Variants in ST6GALNAC1 observed in about 807,000 individuals in gnomAD.
ST6GALNAC1 encodes the protein alpha-N-acetylgalactosaminide alpha-2,6-sialyltransferase 1.
ST6GALNAC1 carries 45 observed loss-of-function variants against 56.8 expected under a neutral mutation model. The observed-to-expected ratio is 0.79, with a 90% CI of 0.62 to 1.02. The LOEUF is 1.02. Among genes scored for constraint, ST6GALNAC1 ranks in the 50% least tolerant of loss-of-function variants. The pLI, the probability that ST6GALNAC1 is intolerant of heterozygous loss-of-function variation, is 0.00. For missense variants in ST6GALNAC1, 743 were observed against 754.8 expected (o/e 0.98, Z 0.18); for synonymous variants, 295 against 297.8 (o/e 0.99, Z 0.10).
downstream of ST6GALNAC1, among the ~76,000 whole-genome samples, chr17:76,620,749 T>TA (rs398120027): frequency 6.6e-6 from 1 of 151,636 alleles, no homozygotes; most frequent in Non-Finnish European, 1.5e-5. Flanking sequence ...CTATTTTTTT[T>TA]AATTTTTATT....
downstream of ST6GALNAC1, among the ~76,000 whole-genome samples, chr17:76,621,268 C>A (rs147487633): frequency 2.0e-5 from 3 of 147,256 alleles, no homozygotes; most frequent in African/African-American, 5.0e-5. Context: ...CTGCAACCTC[C>A]GCCTTTTGGG....
intron 4 of ST6GALNAC1, 91 bp from the exon 5 acceptor site, chr17:76,626,880 G>C (rs1598290113): frequency 6.5e-7 from 1 of 1,548,590 alleles, no homozygotes; most frequent in East Asian, 2.3e-5. Flanking sequence ...AATGGGGGAG[G>C]CAGCAGTTAT....
At chr17:76,626,577 T>C in intron 5 of ST6GALNAC1, 74 bp downstream of exon 5, 1 of 1,599,504 alleles carries the variant, frequency 6.3e-7, no homozygotes, top group Non-Finnish European at 8.5e-7. Flanking sequence ...TGAAAGCCTC[T>C]CCTCTCCCTT....
At chr17:76,620,406 C>G (rs891152378), downstream of ST6GALNAC1, among the ~76,000 whole-genome samples, 1 of 152,096 alleles carries the variant, frequency 6.6e-6, no homozygotes, top group East Asian at 1.9e-4. Flanking sequence ...CTGTTGATTT[C>G]ATTATTTTTT....
At chr17:76,621,177 TC>T (rs1315362281), downstream of ST6GALNAC1, among the ~76,000 whole-genome samples, 3 of 65,274 alleles carry the variant, frequency 4.6e-5, no homozygotes, top group African/African-American at 4.9e-5. Context: ...TTTCTTTCTT[TC>T]TTTCTTTCTT....
chr17:76,629,403 G>T lies in ST6GALNAC1; in HGVS notation c.440C>A (p.Ala147Asp). 6.2e-7 allele frequency: 1 copy of T among 1,614,204 alleles called. No individual in the cohort carries two copies. The highest frequency in any genetic ancestry group is 8.5e-7 in the Non-Finnish European group (1 of 1,180,030). The change falls in exon 2 of 9, where the codon GCC (alanine) becomes GAC (aspartate). Residue 147 changes from alanine (A) to aspartate (D), a missense_variant. Transcript: ENST00000156626. ...LSPRGQDAGM[A>D]SGRTEAQSWK... The stretch of plus-strand genomic sequence containing the variant: ...TGATTGTGCCTCTGTCCTGCCAGAG[G>T]CCATCCCTGCATCTTGCCCTCTGGG...
intron 1 of ST6GALNAC1, among the ~76,000 whole-genome samples, chr17:76,641,485 C>T (rs1373881819): frequency 6.6e-6 from 1 of 152,010 alleles, no homozygotes; most frequent in African/African-American, 2.4e-5. Context: ...TAGAAAAGTA[C>T]AAATGACTAA....
Position 76,626,406 on chromosome 17 carries a change from A to T in ST6GALNAC1, c.1312-14T>A. 2 of 1,612,916 alleles carry T rather than the reference A, an allele frequency of 1.2e-6. No individual in the cohort carries two copies. The highest frequency in any genetic ancestry group is 1.7e-6 in the Non-Finnish European group (2 of 1,179,224). Reference sequence around the variant, plus strand: ...GTAGCGGACGTCCTGAGGACCAAGGACAGGGAGTGGTCCAAAAGTACTGCC... The same window carrying T: ...GTAGCGGACGTCCTGAGGACCAAGGTCAGGGAGTGGTCCAAAAGTACTGCC... On this transcript the variant is annotated splice_polypyrimidine_tract_variant and intron_variant, in intron 5 of 8. Transcript: ENST00000156626.
chr17:76,626,242 A>G (rs761504744), intron 6 of ST6GALNAC1, 47 bp downstream of exon 6: 2 of 1,591,942 alleles, frequency 1.3e-6, no homozygotes, highest in Non-Finnish European at 1.7e-6. Context: ...GCCACTCATG[A>G]CATGGCTCAG....
In ST6GALNAC1 at chr17:76,627,356, C is replaced by T. The variant is rs778373839; in HGVS notation, c.1000+59G>A. ...GAGGCAGACCAGAAAGCCAGCTGCC[C>T]TCTGCCCTCTGCCCCGGCCTACTGC... On this transcript the variant is annotated intron_variant, in intron 3 of 8. Transcript: ENST00000156626. The surrounding 1 kb of genome is among the most constrained non-coding windows in gnomAD (Gnocchi z 4.4). 58 of 1,445,266 alleles carry T rather than the reference C, an allele frequency of 4.0e-5. No individual in the cohort carries two copies. The highest frequency in any genetic ancestry group is 2.0e-4 in the Middle Eastern group (1 of 5,016). The allele number at this position is 1,445,266 out of a possible 1,614,324, so 89.5% of individuals were successfully genotyped here.
intron 1 of ST6GALNAC1, among the ~76,000 whole-genome samples, chr17:76,631,223 C>T (rs543791277): frequency 2.6e-5 from 4 of 152,224 alleles, no homozygotes; most frequent in Admixed American, 6.5e-5. Flanking sequence ...GTATTAAAGG[C>T]GTGAGCCACC....
chr17:76,622,455 C>T (rs1458967633), downstream of ST6GALNAC1, among the ~76,000 whole-genome samples: 1 of 152,006 alleles, frequency 6.6e-6, no homozygotes, highest in Non-Finnish European at 1.5e-5. Context: ...ACCTCGGCTT[C>T]CCGGGTTCAA....
At chr17:76,632,754 G>C (rs2075922099) in intron 1 of ST6GALNAC1, among the ~76,000 whole-genome samples, 1 of 152,178 alleles carries the variant, frequency 6.6e-6, no homozygotes, top group South Asian at 2.1e-4. Context: ...CTGACCCTGT[G>C]AGCTGGGCTG....
chr17:76,637,253 A>G (rs2075988090), intron 1 of ST6GALNAC1, among the ~76,000 whole-genome samples: 1 of 145,224 alleles, frequency 6.9e-6, no homozygotes. Context: ...AGAAACACCC[A>G]AGAATGATCA....
chr17:76,642,182 A>C (rs1053182253), intron 1 of ST6GALNAC1, among the ~76,000 whole-genome samples: 2 of 148,784 alleles, frequency 1.3e-5, no homozygotes. Context: ...CTGTCCATCT[A>C]TCTGCCTATC....
chr17:76,625,814 C>T lies in ST6GALNAC1; in HGVS notation c.1605+5G>A. ...GGTATTTCTGCAGCTGCAGTGGAGC[C>T]TTACCTGGTCACAGAGCTGAAGGGC... On this transcript the variant is annotated splice_donor_5th_base_variant and intron_variant, in intron 8 of 8. Coordinates refer to ENST00000156626, the MANE Select transcript of ST6GALNAC1 (RefSeq NM_018414.5). 1 of 1,529,936 alleles carries T rather than the reference C, an allele frequency of 6.5e-7. No homozygotes were observed. Among genetic ancestry groups the T allele is most frequent in the Non-Finnish European group, 8.7e-7 (1 of 1,143,266 alleles). 94.8% of individuals were successfully genotyped at this position (1,529,936 alleles called of 1,614,324 possible). A position where few individuals can be genotyped will look rare whatever the true frequency, so the allele number is the denominator to read the frequency against.
downstream of ST6GALNAC1, among the ~76,000 whole-genome samples, chr17:76,621,738 G>C (rs1019198035): frequency 6.6e-6 from 1 of 152,196 alleles, no homozygotes; most frequent in Non-Finnish European, 1.5e-5. Context: ...GCTTCCCAAA[G>C]TGTTGGCATT....
At chr17:76,637,595 C>G (rs1163513551) in intron 1 of ST6GALNAC1, 1 of 398,330 alleles carries the variant, frequency 2.5e-6, no homozygotes, top group African/African-American at 2.1e-5. Flanking sequence ...AAAAAAGTCT[C>G]TCACACATAA....
At chr17:76,623,977 T>G (rs910211729), downstream of ST6GALNAC1, among the ~76,000 whole-genome samples, 1 of 152,196 alleles carries the variant, frequency 6.6e-6, no homozygotes, top group Non-Finnish European at 1.5e-5. Flanking sequence ...TAGAGCTTTG[T>G]GGGGGAAAAG....
Sources: gnomAD v4.1 joint callset for allele counts (sites outside exome capture counted in the v4.1 genomes callset) on GRCh38, gnomAD v4.1.1 for gene constraint, Gnocchi (gnomAD v3.1) non-coding constraint, MANE v1.5 for transcripts, NCBI Gene and HGNC (gene_info 2026-07-23, HGNC 2026-07-21) for gene names.